EMC4: variants seen among roughly 807,000 people sequenced by gnomAD.
EMC4 encodes the protein ER membrane protein complex subunit 4, also known as cell proliferation-inducing gene 17 protein.
Under a neutral mutation model 24.2 loss-of-function variants are expected in EMC4, and 9 were observed. That is an observed-to-expected ratio of 0.37 (90% CI 0.22 to 0.65). The LOEUF (loss-of-function observed/expected upper bound fraction) is 0.65, where lower values mean the gene tolerates loss of function less well. EMC4 is among the 30% of genes least tolerant of loss of function. The pLI, the probability that EMC4 is intolerant of heterozygous loss-of-function variation, is 0.59. For missense variants in EMC4, 169 were observed against 234.6 expected, an observed-to-expected ratio of 0.72 and a Z score of 1.83; for synonymous variants, 86 against 81.1, an observed-to-expected ratio of 1.06 and a Z score of -0.32.
At position 34,227,810 on chromosome 15, in the gene EMC4, T is replaced by C. The variant is rs1436936254; in HGVS notation, c.319T>C (p.Trp107Arg). The C allele has an allele frequency of 6.2e-7, 1 of 1,614,162 alleles. No individual in the cohort carries two copies. Among genetic ancestry groups the C allele is most frequent in the Non-Finnish European group, 8.5e-7 (1 of 1,179,996 alleles). The change falls in exon 3 of 5, where the codon TGG (tryptophan) becomes CGG (arginine). Residue 107 changes from tryptophan (W) to arginine (R), a missense_variant. Coordinates refer to ENST00000267750, the MANE Select transcript of EMC4 (RefSeq NM_016454.4). Reference protein sequence around the residue: ...FPTMMVCMMAWRPIQALMAIS... With the variant: ...FPTMMVCMMARRPIQALMAIS... The stretch of plus-strand genomic sequence containing the variant: ...TACTATGATGGTGTGTATGATGGCC[T>C]GGCGACCCATTCAGGCACTTATGGC...
intron 2 of EMC4, chr15:34,226,594 T>G (rs1241456730): frequency 1.3e-5 from 2 of 152,208 alleles, no homozygotes; most frequent in Admixed American, 1.3e-4. Flanking sequence ...GAGGCTGGAA[T>G]GCAATAGCAC....
In EMC4 at chr15:34,227,767, T is replaced by A; in HGVS notation, c.276T>A (p.Asn92Lys). 1.2e-6 allele frequency: 2 copies of A among 1,614,142 alleles called. No homozygotes were observed. The highest frequency in any genetic ancestry group is 1.7e-4 in the Middle Eastern group (1 of 6,060). The change falls in exon 3 of 5, where the codon AAT becomes AAA. Residue 92 changes from asparagine to lysine, a missense_variant. Asn to Lys is a moderately conservative substitution (Grantham distance 94, BLOSUM62 0). Transcript: ENST00000267750. Reference sequence around the variant, plus strand: ...TCTTCATCATGTACATGGCAGGCAATACTATCTCCATCTTCCCTACTATGA... The same window carrying A: ...TCTTCATCATGTACATGGCAGGCAAAACTATCTCCATCTTCCCTACTATGA... ...MNLFIMYMAG[N>K]TISIFPTMMV...
At chr15:34,227,437 T>C (rs1890674714) in intron 2 of EMC4, 1 of 342,378 alleles carries the variant, frequency 2.9e-6, no homozygotes, top group Non-Finnish European at 5.5e-6. Flanking sequence ...AGATCTTTTT[T>C]CCAAAATCAG....
rs770265240 is a variant in EMC4, at chr15:34,228,586, T to C, written c.513T>C (p.Pro171=). Reference sequence around the variant, plus strand: ...ATTGGTTAGCCTTCATTGAGCCCCCTGAGGTAAGGCAAAAGAAAAGCTGAA... The same window carrying C: ...ATTGGTTAGCCTTCATTGAGCCCCCCGAGGTAAGGCAAAAGAAAAGCTGAA... ...ASDWLAFIEP[P]ERMEFSGGGL... The change falls in exon 4 of 5, where the codon CCT becomes CCC. Residue 171 remains proline, a synonymous_variant. Transcript: ENST00000267750. 1 of 1,610,900 alleles carries C rather than the reference T, an allele frequency of 6.2e-7. No individual in the cohort carries two copies. The highest frequency in any genetic ancestry group is 8.5e-7 in the Non-Finnish European group (1 of 1,178,976).
intron 2 of EMC4, chr15:34,226,309 C>T (rs1438521419): frequency 1.9e-5 from 3 of 159,300 alleles, no homozygotes; most frequent in Non-Finnish European, 2.8e-5. Flanking sequence ...ATGATCACTT[C>T]CATATATGCA....
In EMC4 at chr15:34,227,779, C is replaced by T; in HGVS notation, c.288C>T (p.Ile96=). The change falls in exon 3 of 5, where the codon ATC becomes ATT. Residue 96 remains isoleucine (I), a synonymous_variant. Transcript: ENST00000267750. ...ACATGGCAGGCAATACTATCTCCAT[C>T]TTCCCTACTATGATGGTGTGTATGA... ...IMYMAGNTIS[I]FPTMMVCMMA... 6.2e-7 allele frequency: 1 copy of T among 1,614,168 alleles called. No individual in the cohort carries two copies. Among genetic ancestry groups the T allele is most frequent in the Non-Finnish European group, 8.5e-7 (1 of 1,179,990 alleles).
intron 4 of EMC4, 44 bp downstream of exon 4, chr15:34,228,633 A>G (rs779831876): frequency 6.6e-7 from 1 of 1,516,218 alleles, no homozygotes; most frequent in Non-Finnish European, 8.9e-7. Flanking sequence ...TGTAGTATAC[A>G]GTGAATAGCT....
intron 3 of EMC4, 103 bp downstream of exon 3, chr15:34,227,949 A>AG: frequency 1.6e-6 from 2 of 1,216,908 alleles, no homozygotes; most frequent in South Asian, 1.4e-5. Flanking sequence ...GGGAGGCGCC[A>AG]AGCTGGGTGG....
intron 4 of EMC4, chr15:34,229,023 TTTAAG>T (rs1394868367): frequency 1.2e-5 from 2 of 169,866 alleles, no homozygotes; most frequent in African/African-American, 4.9e-5. Flanking sequence ...ATTAGGAGTT[TTTAAG>T]TTATTATTTT....
chr15:34,228,547 T>C lies in EMC4; in HGVS notation c.474T>C (p.Pro158=). ...VYKCQSMGLL[P]THASDWLAFI... The stretch of plus-strand genomic sequence containing the variant: ...AGTGCCAGTCCATGGGACTGTTACC[T>C]ACACATGCATCGGATTGGTTAGCCT... The change falls in exon 4 of 5, where the codon CCT becomes CCC. Residue 158 remains proline, a synonymous_variant. Coordinates refer to ENST00000267750, the MANE Select transcript of EMC4 (RefSeq NM_016454.4). The C allele has an allele frequency of 1.2e-6, 2 of 1,614,006 alleles. No homozygotes were observed. The highest frequency in any genetic ancestry group is 1.7e-6 in the Non-Finnish European group (2 of 1,180,006).
chr15:34,229,065 T>A (rs1890750909), intron 4 of EMC4: 1 of 158,160 alleles, frequency 6.3e-6, no homozygotes, highest in Non-Finnish European at 1.4e-5. Flanking sequence ...TTATTTATTT[T>A]GAGACAGAGT....
rs776712383 is a variant in EMC4, at chr15:34,225,060, T to C, written c.-55T>C. 80 of 1,425,248 alleles carry C rather than the reference T, an allele frequency of 5.6e-5. No individual in the cohort carries two copies. Among genetic ancestry groups the C allele is most frequent in the Non-Finnish European group, 7.3e-5 (75 of 1,031,576 alleles). The allele number at this position is 1,425,248 out of a possible 1,614,324, so 88.3% of individuals were successfully genotyped here. On this transcript the variant is annotated 5_prime_UTR_variant, in exon 1 of 5. Transcript: ENST00000267750. Reference sequence around the variant, plus strand: ...AAGCGGAGAACGCTGGTGGGCCTGTTGTGGAGTACGCTTTGGACTGAGAAG... The same window carrying C: ...AAGCGGAGAACGCTGGTGGGCCTGTCGTGGAGTACGCTTTGGACTGAGAAG...
chr15:34,225,473 C>A lies in EMC4; in HGVS notation c.87-63C>A, dbSNP rs141108297. 3.3e-5 allele frequency: 42 copies of A among 1,262,708 alleles called. 1 individual carries two copies. In the Admixed American group the frequency reaches 3.8e-4, roughly 11 times the overall value. The allele number at this position is 1,262,708 out of a possible 1,614,324, so 78.2% of individuals were successfully genotyped here. A position where few individuals can be genotyped will look rare whatever the true frequency, so the allele number is the denominator to read the frequency against. ...ATCTTTATTCCTATGATTGGTAGAT[C>A]AGGAAATGTGGGATAAGAAGTATCG... is the stretch of plus-strand genomic sequence containing the variant. On this transcript the variant is annotated intron_variant, in intron 1 of 4. Coordinates refer to ENST00000267750, the MANE Select transcript of EMC4 (RefSeq NM_016454.4).
intron 1 of EMC4, 78 bp from the exon 2 acceptor site, chr15:34,225,458 C>G: frequency 8.8e-7 from 1 of 1,134,204 alleles, no homozygotes; most frequent in Non-Finnish European, 1.3e-6. Flanking sequence ...ATCTTTATTC[C>G]TATGATTGGT....
In EMC4 at chr15:34,229,608, G is replaced by A. The variant is rs1890780710; in HGVS notation, c.517-145G>A. On this transcript the variant is annotated intron_variant, in intron 4 of 4. Coordinates refer to ENST00000267750, the MANE Select transcript of EMC4 (RefSeq NM_016454.4). ...TTGGCCTCCCAAAGTGTTTAGCTAA[G>A]ATTAGCTACTGCGCCTGGCCTGGAA... 17 of 628,914 alleles carry A rather than the reference G, an allele frequency of 2.7e-5. No individual in the cohort carries two copies. In the East Asian group the frequency reaches 4.6e-4, roughly 17 times the overall value. 39.0% of individuals were successfully genotyped at this position (628,914 alleles called of 1,614,324 possible). A position where few individuals can be genotyped will look rare whatever the true frequency, so the allele number is the denominator to read the frequency against.
chr15:34,227,289 T>C (rs1423643938), intron 2 of EMC4: 3 of 155,512 alleles, frequency 1.9e-5, no homozygotes, highest in African/African-American at 7.2e-5. Context: ...AATTCTATTA[T>C]TTCTGGAACT....
chr15:34,228,608 T>C lies in EMC4; in HGVS notation c.516+19T>C, dbSNP rs2140597581. On this transcript the variant is annotated intron_variant, in intron 4 of 4. Coordinates refer to ENST00000267750, the MANE Select transcript of EMC4 (RefSeq NM_016454.4). The stretch of plus-strand genomic sequence containing the variant: ...CCCTGAGGTAAGGCAAAAGAAAAGC[T>C]GAATTTTGGGTAGTTGTAGTATACA... The C allele has an allele frequency of 1.9e-6, 3 of 1,604,994 alleles. No homozygotes were observed. The highest frequency in any genetic ancestry group is 2.5e-6 in the Non-Finnish European group (3 of 1,176,632).
rs886051035 is a variant in EMC4, at chr15:34,230,072, CAA to C, written c.*285_*286del. 6 of 418,086 alleles carry C rather than the reference CAA, an allele frequency of 1.4e-5. No individual in the cohort carries two copies. The highest frequency in any genetic ancestry group is 1.2e-4 in the African/African-American group (6 of 48,590). 25.9% of individuals were successfully genotyped at this position (418,086 alleles called of 1,614,324 possible). A position where few individuals can be genotyped will look rare whatever the true frequency, so the allele number is the denominator to read the frequency against. ...CAACAAAAAAACATAACTATGTAAACAAGAGAATAACTGCTGCTAAATCAAGA... is the reference window on the plus strand; with the variant it reads ...CAACAAAAAAACATAACTATGTAAACGAGAATAACTGCTGCTAAATCAAGA... On this transcript the variant is annotated 3_prime_UTR_variant, in exon 5 of 5. Transcript: ENST00000267750.
chr15:34,229,070 CAG>C (rs1491270315), intron 4 of EMC4: 172 of 157,144 alleles, frequency 1.1e-3, no homozygotes, highest in East Asian at 5.5e-3. Context: ...TATTTTGAGA[CAG>C]AGTCTCACTC....
Sources: gnomAD v4.1 joint callset for allele counts on GRCh38, gnomAD v4.1.1 for gene constraint, MANE v1.5 for transcripts, NCBI Gene and HGNC (gene_info 2026-07-23, HGNC 2026-07-21) for gene names.